Variants in PGAP3 observed in about 807,000 individuals in gnomAD.
The protein encoded by PGAP3 is post-GPI attachment to proteins phospholipase 3.
Under a neutral mutation model 40.3 loss-of-function variants are expected in PGAP3, and 31 were observed. The ratio of observed to expected loss-of-function variants is 0.77; its 90% CI spans 0.58 to 1.04. The LOEUF (loss-of-function observed/expected upper bound fraction) is 1.04. PGAP3 is among the 50% of genes least tolerant of loss of function. PGAP3 has a pLI of 0.00. For missense variants in PGAP3, 413 were observed against 423.0 expected (o/e 0.98, Z 0.21); for synonymous variants, 191 against 184.5 (o/e 1.04, Z -0.29).
Position 39,686,013 on chromosome 17 carries a change from G to A in PGAP3, c.188C>T (p.Thr63Ile), listed in dbSNP as rs770778607. 9 of 1,612,348 alleles carry A rather than the reference G, an allele frequency of 5.6e-6. No homozygotes were observed. The highest frequency in any genetic ancestry group is 7.6e-6 in the Non-Finnish European group (9 of 1,178,904). The change falls in exon 2 of 8, where the codon ACC (threonine) becomes ATC (isoleucine). Residue 63 changes from threonine to isoleucine, a missense_variant. Transcript: ENST00000300658. ...QPIYMSLAGW[T>I]CRDDCKYECM... Reference sequence around the variant, plus strand: ...CTCATACTTACAGTCGTCCCGACAGGTCCAGCCTGAAACAGACAAATGTGG... The same window carrying A: ...CTCATACTTACAGTCGTCCCGACAGATCCAGCCTGAAACAGACAAATGTGG...
At chr17:39,684,320 G>T (rs1795053174) in intron 3 of PGAP3, among the ~76,000 whole-genome samples, 1 of 151,942 alleles carries the variant, frequency 6.6e-6, no homozygotes, top group Non-Finnish European at 1.5e-5. Context: ...TGTCCTACTG[G>T]GTCTTTTAGT....
intron 1 of PGAP3, among the ~76,000 whole-genome samples, chr17:39,687,357 A>T (rs1349260636): frequency 1.3e-5 from 2 of 152,220 alleles, no homozygotes; most frequent in African/African-American, 4.8e-5. Context: ...TTTGCCCACT[A>T]TGGTCCAAAT....
At chr17:39,678,481 C>A (rs1042117103) in intron 3 of PGAP3, among the ~76,000 whole-genome samples, 1 of 152,234 alleles carries the variant, frequency 6.6e-6, no homozygotes. Context: ...CTCCCCAGCC[C>A]AAGCCCAGGC....
chr17:39,673,596 C>T lies in PGAP3; in HGVS notation c.612G>A (p.Leu204=). ...AGGAGACGTGCACGGTCAGCATGAG[C>T]AGCAGGAGAGCCCGGAAGGCACTGA... ...AVVSAFRALL[L]LMLTVHVSYL... Residue 204 remains leucine (L), a synonymous_variant, in exon 6 of 8, where the codon CTG becomes CTA. Transcript: ENST00000300658. The T allele has an allele frequency of 6.2e-7, 1 of 1,614,132 alleles. No individual in the cohort carries two copies. Among genetic ancestry groups the T allele is most frequent in the Non-Finnish European group, 8.5e-7 (1 of 1,180,016 alleles).
chr17:39,673,773 C>A (rs1489114400), intron 5 of PGAP3, 123 bp from the exon 6 acceptor site: 2 of 1,384,532 alleles, frequency 1.4e-6, no homozygotes, highest in African/African-American at 2.9e-5. Context: ...CTCTCCCCAC[C>A]AAACAGGCCA....
rs2057339218 is a variant in PGAP3 at position 39,673,685 on chromosome 17, T to G, written c.558-35A>C. Reference sequence around the variant, plus strand: ...CGTCCAGGGTTGCTCAGAGGGCAGGTGGCCCATCCCCAGAGCAGCATTCCC... The same window carrying G: ...CGTCCAGGGTTGCTCAGAGGGCAGGGGGCCCATCCCCAGAGCAGCATTCCC... On this transcript the variant is annotated intron_variant, in intron 5 of 7. Coordinates refer to ENST00000300658, the MANE Select transcript of PGAP3 (RefSeq NM_033419.5). 3 of 1,610,054 alleles carry G rather than the reference T, an allele frequency of 1.9e-6. No homozygotes were observed. In the African/African-American group the frequency reaches 4.0e-5, roughly 22 times the overall value.
intron 2 of PGAP3, chr17:39,684,995 A>G: frequency 6.2e-6 from 3 of 487,494 alleles, no homozygotes; most frequent in Non-Finnish European, 1.1e-5. Flanking sequence ...GGAAGACCAG[A>G]TGGGTCAGGG....
rs758841847 is a variant in PGAP3 at position 39,686,036 on chromosome 17, T to C, written c.182-17A>G. The C allele has an allele frequency of 6.8e-6, 11 of 1,606,484 alleles. 1 individual carries two copies. The highest frequency in any genetic ancestry group is 5.0e-5 in the Admixed American group (3 of 59,756). On this transcript the variant is annotated splice_polypyrimidine_tract_variant and intron_variant, in intron 1 of 7. Transcript: ENST00000300658. Reference sequence around the variant, plus strand: ...AGGTCCAGCCTGAAACAGACAAATGTGGCCTGGTGAACTCCCCAGCACAGA... The same window carrying C: ...AGGTCCAGCCTGAAACAGACAAATGCGGCCTGGTGAACTCCCCAGCACAGA...
In PGAP3 at chr17:39,672,520, C is replaced by T. The variant is rs780223575; in HGVS notation, c.*283G>A. The T allele has an allele frequency of 4.0e-5, 20 of 494,922 alleles. No individual in the cohort carries two copies. Among genetic ancestry groups the T allele is most frequent in the South Asian group, 3.1e-4 (13 of 41,922 alleles). The allele number at this position is 494,922 out of a possible 1,614,324, so 30.7% of individuals were successfully genotyped here. A position where few individuals can be genotyped will look rare whatever the true frequency, so the allele number is the denominator to read the frequency against. On this transcript the variant is annotated 3_prime_UTR_variant, in exon 8 of 8. Transcript: ENST00000300658. ...GGGAGGAAACAGGCAGCTGTCCTCC[C>T]GGTAGAGCTAAGAGCACACTCAGTT...
chr17:39,677,848 C>T (rs1009141976), intron 3 of PGAP3, among the ~76,000 whole-genome samples: 38 of 152,362 alleles, frequency 2.5e-4, no homozygotes, highest in African/African-American at 7.7e-4. Context: ...GTCAGGAATT[C>T]GACCCGGCGC....
intron 3 of PGAP3, among the ~76,000 whole-genome samples, chr17:39,674,903 G>T (rs1158153715): frequency 6.6e-6 from 1 of 152,158 alleles, no homozygotes; most frequent in Non-Finnish European, 1.5e-5. Context: ...CAAGGCCACG[G>T]GGGGCTGCAG....
chr17:39,675,899 T>G (rs562140357), intron 3 of PGAP3, among the ~76,000 whole-genome samples: 1 of 152,314 alleles, frequency 6.6e-6, no homozygotes, highest in Non-Finnish European at 1.5e-5. Flanking sequence ...CTGCTCCTCT[T>G]GACCTGGTCA....
chr17:39,681,011 TGCCACCAG>T (rs1200948829), intron 3 of PGAP3, among the ~76,000 whole-genome samples: 1 of 152,132 alleles, frequency 6.6e-6, no homozygotes, highest in Non-Finnish European at 1.5e-5. Context: ...TACGGGCATG[TGCCACCAG>T]GCCTGGCTTA....
At chr17:39,674,801 T>C (rs1597814421) in intron 3 of PGAP3, 122 bp from the exon 4 acceptor site, 22 of 999,654 alleles carry the variant, frequency 2.2e-5, no homozygotes, top group Non-Finnish European at 3.2e-5. Flanking sequence ...AATGTGCTTT[T>C]CCTGCCCCTG....
At chr17:39,673,397 C>T in intron 6 of PGAP3, 117 bp downstream of exon 6, 1 of 1,558,374 alleles carries the variant, frequency 6.4e-7, no homozygotes, top group Non-Finnish European at 8.7e-7. Context: ...AAATTCTTCT[C>T]CATTCCTCTA....
chr17:39,679,934 G>A (rs756800128), intron 3 of PGAP3, among the ~76,000 whole-genome samples: 2 of 152,088 alleles, frequency 1.3e-5, no homozygotes, highest in Non-Finnish European at 2.9e-5. Context: ...CCTCCTCCCC[G>A]GGCTTCCCTG....
Position 39,687,889 on chromosome 17 carries a change from A to G in PGAP3, c.126T>C (p.Ser42=), listed in dbSNP as rs1160676702. ...AGCGGAAGTGATTCAGAGCGCCCCC[A>G]GAGCAGTTCTGCTCTTCGCACTGCA... is the stretch of plus-strand genomic sequence containing the variant. The part of the protein sequence containing the change: ...CVLQCEEQNC[S]GGALNHFRSR... Residue 42 remains serine (S), a synonymous_variant, in exon 1 of 8, where the codon TCT becomes TCC. Coordinates refer to ENST00000300658, the MANE Select transcript of PGAP3 (RefSeq NM_033419.5). 6.6e-7 allele frequency: 1 copy of G among 1,512,994 alleles called. No individual in the cohort carries two copies. The highest frequency in any genetic ancestry group is 8.9e-7 in the Non-Finnish European group (1 of 1,119,674). 93.7% of individuals were successfully genotyped at this position (1,512,994 alleles called of 1,614,324 possible).
chr17:39,682,861 G>A (rs1411255238), intron 3 of PGAP3, among the ~76,000 whole-genome samples: 2 of 151,950 alleles, frequency 1.3e-5, no homozygotes, highest in East Asian at 3.9e-4. Context: ...GGCGGATCAC[G>A]AGGTCAGGAG....
chr17:39,684,582 T>A lies in PGAP3; in HGVS notation c.432+15A>T. 1 of 1,604,692 alleles carries A rather than the reference T, an allele frequency of 6.2e-7. No homozygotes were observed. Among genetic ancestry groups the A allele is most frequent in the Non-Finnish European group, 8.5e-7 (1 of 1,175,214 alleles). On this transcript the variant is annotated intron_variant, in intron 3 of 7. Coordinates refer to ENST00000300658, the MANE Select transcript of PGAP3 (RefSeq NM_033419.5). ...AGATAAGAGGAGACAGCAGGAGTCCTGCTAGGTTACCTACCCAGGCGAAGG... is the reference window on the plus strand; with the variant it reads ...AGATAAGAGGAGACAGCAGGAGTCCAGCTAGGTTACCTACCCAGGCGAAGG...
Sources: gnomAD v4.1 joint callset for allele counts (sites outside exome capture counted in the v4.1 genomes callset) on GRCh38, gnomAD v4.1.1 for gene constraint, MANE v1.5 for transcripts, NCBI Gene and HGNC (gene_info 2026-07-23, HGNC 2026-07-21) for gene names.